The following ORAI3 variants were observed in gnomAD, a reference collection of about 807,000 sequenced individuals.
ORAI3 encodes the protein ORAI calcium release-activated calcium modulator 3, also known as protein orai-3.
Under a neutral mutation model 17.2 loss-of-function variants are expected in ORAI3, and 15 were observed. The ratio of observed to expected loss-of-function variants is 0.87; its 90% CI spans 0.58 to 1.34. The LOEUF is 1.34. ORAI3 is among the 40% of genes most tolerant of loss of function. The pLI is 0.00. For synonymous variants in ORAI3, 178 were observed against 172.4 expected (o/e 1.03, Z -0.25); for missense variants, 405 against 396.7 (o/e 1.02, Z -0.18).
chr16:30,953,292 A>C lies in ORAI3; in HGVS notation c.336A>C (p.Ala112=), dbSNP rs1596662799. ...TGCTGGTGGCTGTGCACCTCTTTGC[A>C]CTCATGGTCTCCACGTGTCTGCTGC... ...TTVLVAVHLF[A]LMVSTCLLPH... The change falls in exon 2 of 2, where the codon GCA becomes GCC. Residue 112 remains alanine, a synonymous_variant. Transcript: ENST00000318663. The C allele has an allele frequency of 6.2e-7, 1 of 1,613,822 alleles. No individual in the cohort carries two copies. Among genetic ancestry groups the C allele is most frequent in the Admixed American group, 1.7e-5 (1 of 60,004 alleles).
At chr16:30,952,009 C>G (rs1002841141) in intron 1 of ORAI3, among the ~76,000 whole-genome samples, 1 of 152,228 alleles carries the variant, frequency 6.6e-6, no homozygotes, top group African/African-American at 2.4e-5. Context: ...ATAGCAAGAA[C>G]AGCAAACACA....
At position 30,954,023 on chromosome 16, in the gene ORAI3, T is replaced by G. The variant is rs1245138174; in HGVS notation, c.*179T>G. 2.7e-6 allele frequency: 2 copies of G among 740,350 alleles called. No individual in the cohort carries two copies. The highest frequency in any genetic ancestry group is 1.7e-5 in the African/African-American group (1 of 58,048). The allele number at this position is 740,350 out of a possible 1,614,324, so 45.9% of individuals were successfully genotyped here. On this transcript the variant is annotated 3_prime_UTR_variant, in exon 2 of 2. Transcript: ENST00000318663. ...CCTCTGGGCTGGGCCTTGGGGCAGC[T>G]CCCACATTCCCAGGGATTTTCCCCA...
At position 30,954,024 on chromosome 16, in the gene ORAI3, C is replaced by T. The variant is rs1312899416; in HGVS notation, c.*180C>T. 1.4e-6 allele frequency: 1 copy of T among 740,408 alleles called. No individual in the cohort carries two copies. The highest frequency in any genetic ancestry group is 2.0e-5 in the Admixed American group (1 of 50,064). 45.9% of individuals were successfully genotyped at this position (740,408 alleles called of 1,614,324 possible). A position where few individuals can be genotyped will look rare whatever the true frequency, so the allele number is the denominator to read the frequency against. Reference sequence around the variant, plus strand: ...CTCTGGGCTGGGCCTTGGGGCAGCTCCCACATTCCCAGGGATTTTCCCCAT... The same window carrying T: ...CTCTGGGCTGGGCCTTGGGGCAGCTTCCACATTCCCAGGGATTTTCCCCAT... On this transcript the variant is annotated 3_prime_UTR_variant, in exon 2 of 2. Transcript: ENST00000318663.
At position 30,949,517 on chromosome 16, in the gene ORAI3, G is replaced by A. The variant is rs2055911560; in HGVS notation, c.228G>A (p.Met76Ile). 5 of 1,587,022 alleles carry A rather than the reference G, an allele frequency of 3.2e-6. No homozygotes were observed. The highest frequency in any genetic ancestry group is 4.3e-6 in the Non-Finnish European group (5 of 1,170,708). The change falls in exon 1 of 2, where the codon ATG becomes ATA. Residue 76 changes from methionine (M) to isoleucine (I), a missense_variant and splice_region_variant. Physicochemically the swap from Met to Ile is conservative, Grantham distance 10 (BLOSUM62 1). Coordinates refer to ENST00000318663, the MANE Select transcript of ORAI3 (RefSeq NM_152288.3). The stretch of plus-strand genomic sequence containing the variant: ...CTGCCTTGCTCTCGGGCTTCGCCAT[G>A]GTGAGGGGCCGGGAGGGGTCACACC... ...RTSALLSGFA[M>I]VAMVEVQLES...
At chr16:30,949,963 A>T (rs2055916039) in intron 1 of ORAI3, 1 of 160,630 alleles carries the variant, frequency 6.2e-6, no homozygotes, top group African/African-American at 2.4e-5. Context: ...GGCCCGTCCC[A>T]GGGAAGGTGG....
At chr16:30,951,135 A>G (rs1255232288) in intron 1 of ORAI3, among the ~76,000 whole-genome samples, 2 of 152,124 alleles carry the variant, frequency 1.3e-5, no homozygotes, top group African/African-American at 4.8e-5. Flanking sequence ...TCCACCCGCC[A>G]GCCTCTACAC....
At chr16:30,950,138 G>T (rs147730023) in intron 1 of ORAI3, among the ~76,000 whole-genome samples, 60 of 152,336 alleles carry the variant, frequency 3.9e-4, no homozygotes, top group African/African-American at 1.4e-3. Flanking sequence ...CTAACGGTCT[G>T]CCCCAGCAGT....
At position 30,953,787 on chromosome 16, in the gene ORAI3, C is replaced by G; in HGVS notation, c.831C>G (p.Arg277=). Residue 277 remains arginine, a synonymous_variant, in exon 2 of 2, where the codon CGC becomes CGG. Coordinates refer to ENST00000318663, the MANE Select transcript of ORAI3 (RefSeq NM_152288.3). ...CCTTGGTGGCACACAAGACAGACCG[C>G]TACAAGCAGGAACTAGAGGAACTGA... The part of the protein sequence containing the change: ...YRSLVAHKTD[R]YKQELEELNR... 6.2e-7 allele frequency: 1 copy of G among 1,613,812 alleles called. No individual in the cohort carries two copies. Among genetic ancestry groups the G allele is most frequent in the Non-Finnish European group, 8.5e-7 (1 of 1,179,982 alleles).
chr16:30,952,970 A>G (rs1193296385), intron 1 of ORAI3, among the ~76,000 whole-genome samples: 1 of 152,224 alleles, frequency 6.6e-6, no homozygotes, highest in Non-Finnish European at 1.5e-5. Context: ...CCGGCCATCC[A>G]GCCCTCTTGA....
At position 30,953,511 on chromosome 16, in the gene ORAI3, C is replaced by G. The variant is rs145528831; in HGVS notation, c.555C>G (p.Thr185=). The G allele has an allele frequency of 5.6e-6, 9 of 1,614,136 alleles. No individual in the cohort carries two copies. The African/African-American group carries it at 1.2e-4, about 22-fold the overall frequency. ...VPIGAPLDTP[T]PMVPTSRVPG... ...TTGGGGCTCCCTTGGACACACCGAC[C>G]CCCATGGTGCCCACATCCCGGGTGC... The change falls in exon 2 of 2, where the codon ACC becomes ACG. Residue 185 remains threonine, a synonymous_variant. Coordinates refer to ENST00000318663, the MANE Select transcript of ORAI3 (RefSeq NM_152288.3).
chr16:30,953,044 C>G (rs565864190), intron 1 of ORAI3, 141 bp from the exon 2 acceptor site: 3 of 744,280 alleles, frequency 4.0e-6, no homozygotes, highest in Non-Finnish European at 6.5e-6. Context: ...GTTTACTCAA[C>G]AGAGACTGAA....
rs2055909342 is a variant in ORAI3 at position 30,949,321 on chromosome 16, A to G, written c.32A>G (p.Gln11Arg). The change falls in exon 1 of 2, where the codon CAG becomes CGG. Residue 11 changes from glutamine (Q) to arginine (R), a missense_variant. Coordinates refer to ENST00000318663, the MANE Select transcript of ORAI3 (RefSeq NM_152288.3). MKGGEGDAGEQAPLNPEGESP... is the reference protein window; with the variant it reads MKGGEGDAGERAPLNPEGESP... ...GGCGGCGAGGGGGACGCGGGCGAGC[A>G]GGCCCCGCTGAACCCTGAGGGCGAG... is the stretch of plus-strand genomic sequence containing the variant. 2.8e-6 allele frequency: 4 copies of G among 1,445,560 alleles called. No homozygotes were observed. Among genetic ancestry groups the G allele is most frequent in the Non-Finnish European group, 3.6e-6 (4 of 1,100,956 alleles). 89.5% of individuals were successfully genotyped at this position (1,445,560 alleles called of 1,614,324 possible).
chr16:30,951,601 C>T (rs1198338256), intron 1 of ORAI3, among the ~76,000 whole-genome samples: 1 of 152,042 alleles, frequency 6.6e-6, no homozygotes, highest in Non-Finnish European at 1.5e-5. Context: ...TGGCTCACAC[C>T]TTTCATCCCA....
chr16:30,949,866 A>C, intron 1 of ORAI3: 3 of 206,564 alleles, frequency 1.5e-5, no homozygotes, highest in Non-Finnish European at 1.0e-5. Flanking sequence ...CCAGCTTCAA[A>C]GGCAGGTCAG....
chr16:30,949,494 G>C lies in ORAI3; in HGVS notation c.205G>C (p.Ala69Pro), dbSNP rs778057689. 1.3e-6 allele frequency: 2 copies of C among 1,596,612 alleles called. No individual in the cohort carries two copies. The highest frequency in any genetic ancestry group is 1.4e-5 in the African/African-American group (1 of 73,734). The change falls in exon 1 of 2, where the codon GCC (alanine) becomes CCC (proline). Residue 69 changes from alanine (A) to proline (P), a missense_variant. By Grantham distance (27) the Ala-to-Pro change is conservative. Transcript: ENST00000318663. ...GCTCAAAGCTTCCAGCCGCACGTCT[G>C]CCTTGCTCTCGGGCTTCGCCATGGT... ...AKLKASSRTS[A>P]LLSGFAMVAM...
At position 30,949,386 on chromosome 16, in the gene ORAI3, C is replaced by G. The variant is rs1267135501; in HGVS notation, c.97C>G (p.Arg33Gly). ...GGCCACGTACCGGGAGTTCGTGCAC[C>G]GCGGCTACCTGGACCTCATGGGGGC... The part of the protein sequence containing the change: ...GSATYREFVH[R>G]GYLDLMGASQ... The change falls in exon 1 of 2, where the codon CGC becomes GGC. Residue 33 changes from arginine to glycine, a missense_variant. Arg to Gly is a moderately radical substitution (Grantham distance 125, BLOSUM62 -2). Coordinates refer to ENST00000318663, the MANE Select transcript of ORAI3 (RefSeq NM_152288.3). 2 of 1,584,616 alleles carry G rather than the reference C, an allele frequency of 1.3e-6. No homozygotes were observed. Among genetic ancestry groups the G allele is most frequent in the Non-Finnish European group, 1.7e-6 (2 of 1,167,472 alleles).
Position 30,949,224 on chromosome 16 carries a change from G to T in ORAI3, c.-66G>T. On this transcript the variant is annotated 5_prime_UTR_variant, in exon 1 of 2. Transcript: ENST00000318663. ...TGGGGCCGCCCCCGGGCTTGGGCCGGCCCGGCTGGGGCCCCCGAGGCGCTT... is the reference window on the plus strand; with the variant it reads ...TGGGGCCGCCCCCGGGCTTGGGCCGTCCCGGCTGGGGCCCCCGAGGCGCTT... The T allele has an allele frequency of 8.5e-7, 1 of 1,174,232 alleles. No homozygotes were observed. Among genetic ancestry groups the T allele is most frequent in the Non-Finnish European group, 1.1e-6 (1 of 896,594 alleles). 72.7% of individuals were successfully genotyped at this position (1,174,232 alleles called of 1,614,324 possible). A position where few individuals can be genotyped will look rare whatever the true frequency, so the allele number is the denominator to read the frequency against.
rs377453585 is a variant in ORAI3, at chr16:30,953,718, C to T, written c.762C>T (p.Pro254=). ...AAMASTAIMV[P]VGLVFVAFAL... ...TGGCCTCCACAGCCATCATGGTACC[C>T]GTGGGGCTCGTGTTTGTGGCCTTTG... The change falls in exon 2 of 2, where the codon CCC becomes CCT. Residue 254 remains proline (P), a synonymous_variant. Transcript: ENST00000318663. The T allele has an allele frequency of 1.5e-5, 25 of 1,614,102 alleles. No homozygotes were observed. The highest frequency in any genetic ancestry group is 1.6e-4 in the Middle Eastern group (1 of 6,084).
intron 1 of ORAI3, 21 bp downstream of exon 1, chr16:30,949,538 A>T: frequency 1.1e-6 from 1 of 893,870 alleles, no homozygotes. Flanking sequence ...GGGAGGGGTC[A>T]CACCCGGTGG....
Sources: gnomAD v4.1 joint callset for allele counts (sites outside exome capture counted in the v4.1 genomes callset) on GRCh38, gnomAD v4.1.1 for gene constraint, MANE v1.5 for transcripts, NCBI Gene and HGNC (gene_info 2026-07-23, HGNC 2026-07-21) for gene names.